LHCGR: variants seen among roughly 807,000 people sequenced by gnomAD.
The protein encoded by LHCGR is lutropin-choriogonadotropic hormone receptor.
In LHCGR, 55 loss-of-function variants were observed where a neutral mutation model predicts 60.7. The ratio of observed to expected loss-of-function variants is 0.91; its 90% CI spans 0.73 to 1.13. The LOEUF (loss-of-function observed/expected upper bound fraction) is 1.13, where lower values mean the gene tolerates loss of function less well. Among genes scored for constraint, LHCGR ranks in the 50% most tolerant of loss-of-function variants. The pLI is 0.00. For synonymous variants in LHCGR, 337 were observed against 316.5 expected, an observed-to-expected ratio of 1.06 and a Z score of -0.69; for missense variants, 862 against 836.0, an observed-to-expected ratio of 1.03 and a Z score of -0.38.
intron 9 of LHCGR, among the ~76,000 whole-genome samples, chr2:48,694,551 GA>G (rs1438432925): frequency 6.6e-6 from 1 of 152,056 alleles, no homozygotes; most frequent in Non-Finnish European, 1.5e-5. Flanking sequence ...CACTAGAGAT[GA>G]AAAAACTTAA....
In LHCGR at chr2:48,755,123, G is replaced by A. The variant is rs116167730; in HGVS notation, c.161+388C>T. Among the ~76,000 whole-genome samples, 1,270 of 152,072 alleles carry A rather than the reference G, an allele frequency of 8.4e-3. 26 individuals carry two copies. The highest frequency in any genetic ancestry group is 0.028 in the African/African-American group (1,162 of 41,492). On this transcript the variant is annotated intron_variant, in intron 1 of 10. Transcript: ENST00000294954. ...AGAGCTCACATTCACCTTCCCTGAC[G>A]TGGCTGGCCCAAGGCTCAAAGGCCT...
At chr2:48,689,330 T>A (rs1408393281) in intron 10 of LHCGR, among the ~76,000 whole-genome samples, 1 of 152,184 alleles carries the variant, frequency 6.6e-6, no homozygotes, top group African/African-American at 2.4e-5. Context: ...TTTCTTGGCA[T>A]TTTCTTAACT....
At chr2:48,729,346 A>G in intron 2 of LHCGR, 119 bp from the exon 3 acceptor site, 1 of 797,400 alleles carries the variant, frequency 1.3e-6, no homozygotes, top group Non-Finnish European at 2.2e-6. Context: ...CCCCCTGAAA[A>G]GAACAAAGAT....
intron 1 of LHCGR, among the ~76,000 whole-genome samples, chr2:48,749,265 G>A (rs1300965686): frequency 6.6e-6 from 1 of 152,214 alleles, no homozygotes; most frequent in Non-Finnish European, 1.5e-5. Flanking sequence ...TGAGGACCCT[G>A]TGGAGAAGCA....
intron 2 of LHCGR, 139 bp downstream of exon 2, chr2:48,731,088 T>C (rs993171623): frequency 1.6e-6 from 1 of 624,300 alleles, no homozygotes; most frequent in Admixed American, 2.7e-5. Context: ...ATTATTTGTA[T>C]TACAAAGATA....
At chr2:48,722,869 AG>A (rs1176240586) in intron 6 of LHCGR, among the ~76,000 whole-genome samples, 1 of 152,214 alleles carries the variant, frequency 6.6e-6, no homozygotes, top group African/African-American at 2.4e-5. Flanking sequence ...GTGAGGCCTT[AG>A]GAAACACCAT....
At chr2:48,702,573 C>T (rs570564780) in intron 8 of LHCGR, among the ~76,000 whole-genome samples, 1 of 152,218 alleles carries the variant, frequency 6.6e-6, no homozygotes, top group South Asian at 2.1e-4. Context: ...TCATCCATGT[C>T]CCTGCAAAGG....
At chr2:48,691,603 T>A (rs1666831916) in intron 10 of LHCGR, among the ~76,000 whole-genome samples, 1 of 152,104 alleles carries the variant, frequency 6.6e-6, no homozygotes, top group African/African-American at 2.4e-5. Context: ...CCCAGCACTT[T>A]AGGAGGCTGA....
intron 1 of LHCGR, among the ~76,000 whole-genome samples, chr2:48,751,613 C>T (rs912933202): frequency 3.3e-5 from 5 of 152,148 alleles, no homozygotes; most frequent in African/African-American, 7.2e-5. Context: ...AAAGACACTA[C>T]GGCACTGAAC....
chr2:48,725,546 G>C (rs1668679670), intron 4 of LHCGR, 130 bp downstream of exon 4: 2 of 726,338 alleles, frequency 2.8e-6, no homozygotes, highest in Non-Finnish European at 4.9e-6. Context: ...AAATCAGAAG[G>C]CTGAAGAGGA....
rs574116217 is a variant in LHCGR, at chr2:48,729,361, A to G, written c.234-134T>C. The G allele has an allele frequency of 4.1e-6, 3 of 740,050 alleles. No homozygotes were observed. The South Asian group carries it at 4.4e-5, about 11-fold the overall frequency. 45.8% of individuals were successfully genotyped at this position (740,050 alleles called of 1,614,324 possible). A position where few individuals can be genotyped will look rare whatever the true frequency, so the allele number is the denominator to read the frequency against. On this transcript the variant is annotated intron_variant, in intron 2 of 10. Coordinates refer to ENST00000294954, the MANE Select transcript of LHCGR (RefSeq NM_000233.4). ...CCCCCTGAAAAGAACAAAGATGTGC[A>G]AGTTGTCCCCAAATCATACAGTGCT...
intron 9 of LHCGR, among the ~76,000 whole-genome samples, chr2:48,694,633 T>C (rs1667028369): frequency 1.3e-5 from 2 of 152,198 alleles, no homozygotes; most frequent in Non-Finnish European, 2.9e-5. Context: ...TAAGGTTTGC[T>C]CCTTACCACT....
At chr2:48,699,608 A>C (rs1165132649) in intron 8 of LHCGR, among the ~76,000 whole-genome samples, 1 of 152,250 alleles carries the variant, frequency 6.6e-6, no homozygotes, top group Non-Finnish European at 1.5e-5. Flanking sequence ...TTACTTATTA[A>C]GAGCTTCTGT....
chr2:48,743,707 G>C (rs1186975796), intron 1 of LHCGR, among the ~76,000 whole-genome samples: 25 of 148,776 alleles, frequency 1.7e-4, no homozygotes, highest in Non-Finnish European at 3.3e-4. Flanking sequence ...AATAATAAGA[G>C]CTATCTATGA....
intron 7 of LHCGR, among the ~76,000 whole-genome samples, chr2:48,710,247 T>A (rs1247758912): frequency 6.6e-6 from 1 of 152,120 alleles, no homozygotes; most frequent in African/African-American, 2.4e-5. Flanking sequence ...TTCAAAGAGA[T>A]GAGATTGTCA....
At chr2:48,752,752 C>T (rs151082274) in intron 1 of LHCGR, among the ~76,000 whole-genome samples, 1 of 152,006 alleles carries the variant, frequency 6.6e-6, no homozygotes, top group East Asian at 1.9e-4. Flanking sequence ...TAATCTTTCC[C>T]CCATGTTGTT....
rs949261451 is a variant in LHCGR at position 48,687,574 on chromosome 2, G to T, written c.*123C>A. On this transcript the variant is annotated 3_prime_UTR_variant, in exon 11 of 11. Coordinates refer to ENST00000294954, the MANE Select transcript of LHCGR (RefSeq NM_000233.4). The stretch of plus-strand genomic sequence containing the variant: ...ACTTTCTACTAGGTAGAGGTCTCTT[G>T]CCTAATGTACCTAAAAATAAATAAT... 6 of 777,728 alleles carry T rather than the reference G, an allele frequency of 7.7e-6. No homozygotes were observed. Among genetic ancestry groups the T allele is most frequent in the Non-Finnish European group, 1.3e-5 (6 of 467,934 alleles). The allele number at this position is 777,728 out of a possible 1,614,324, so 48.2% of individuals were successfully genotyped here.
chr2:48,714,829 T>A (rs1668168890), intron 6 of LHCGR, among the ~76,000 whole-genome samples: 1 of 151,790 alleles, frequency 6.6e-6, no homozygotes, highest in Non-Finnish European at 1.5e-5. Context: ...TATGGGGAAA[T>A]GTTTGAGCCA....
At chr2:48,693,409 T>C (rs1291192161) in intron 10 of LHCGR, among the ~76,000 whole-genome samples, 3 of 152,222 alleles carry the variant, frequency 2.0e-5, no homozygotes, top group Non-Finnish European at 4.4e-5. Flanking sequence ...AAGATTCATA[T>C]ACTTGGAATG....
Sources: gnomAD v4.1 joint callset for allele counts (sites outside exome capture counted in the v4.1 genomes callset) on GRCh38, gnomAD v4.1.1 for gene constraint, MANE v1.5 for transcripts, NCBI Gene and HGNC (gene_info 2026-07-23, HGNC 2026-07-21) for gene names.